DAAM1: variants seen among roughly 807,000 people sequenced by gnomAD.
DAAM1 encodes the protein disheveled-associated activator of morphogenesis 1.
Under a neutral mutation model 130.0 loss-of-function variants are expected in DAAM1, and 52 were observed. The observed-to-expected ratio is 0.40, with a 90% CI of 0.32 to 0.50. The LOEUF is 0.50. Ranked by LOEUF, DAAM1 falls within the 20% of genes least tolerant of loss-of-function variation. The pLI is 0.61. For synonymous variants in DAAM1, 452 were observed against 444.5 expected (o/e 1.02, Z -0.21); for missense variants, 1,134 against 1,303.8 (o/e 0.87, Z 2.01).
rs540791565 is a variant in DAAM1 at position 59,355,204 on chromosome 14, C to A, written c.2396C>A (p.Ala799Asp). Residue 799 changes from alanine to aspartate, a missense_variant, in exon 20 of 25, where the codon GCC (alanine) becomes GAC (aspartate). By Grantham distance (126) the Ala-to-Asp change is moderately radical. This residue lies in a region of DAAM1 where 644 missense variants were observed against 695.9 expected (regional missense o/e 0.93). Transcript: ENST00000360909. ...SGSEEVFRSGALKQLLEVVLA... is the reference protein window; with the variant it reads ...SGSEEVFRSGDLKQLLEVVLA... ...TCAGAAGAGGTGTTTAGGAGTGGTG[C>A]CCTCAAGCAGTTGCTGGAGGTGGTT... 1 of 1,613,990 alleles carries A rather than the reference C, an allele frequency of 6.2e-7. No homozygotes were observed. Among genetic ancestry groups the A allele is most frequent in the African/African-American group, 1.3e-5 (1 of 74,984 alleles).
intron 16 of DAAM1, among the ~76,000 whole-genome samples, chr14:59,342,486 T>G (rs1249396277): frequency 6.6e-6 from 1 of 152,238 alleles, no homozygotes; most frequent in African/African-American, 2.4e-5. Flanking sequence ...TACTTTTCAT[T>G]CTTCCTTTTT....
chr14:59,231,495 T>C (rs904598881), intron 1 of DAAM1, among the ~76,000 whole-genome samples: 1 of 152,180 alleles, frequency 6.6e-6, no homozygotes, highest in Non-Finnish European at 1.5e-5. Context: ...TGGCAATTAA[T>C]AAAACCACAT....
intron 1 of DAAM1, among the ~76,000 whole-genome samples, chr14:59,241,905 T>C (rs1381577624): frequency 6.6e-6 from 1 of 152,270 alleles, no homozygotes; most frequent in Admixed American, 6.5e-5. Flanking sequence ...CTCTTTTTTT[T>C]CCCCCTCTTC....
intron 16 of DAAM1, among the ~76,000 whole-genome samples, chr14:59,343,108 G>A (rs1005338045): frequency 6.6e-6 from 1 of 152,222 alleles, no homozygotes; most frequent in East Asian, 1.9e-4. Flanking sequence ...TTCCTCCTAG[G>A]ATGTGTGCAG....
chr14:59,363,725 A>G lies in DAAM1; in HGVS notation c.2769A>G (p.Thr923=). ...KFVSVVSQFI[T]VASFSFSDVE... Reference sequence around the variant, plus strand: ...TGTCTGTTGTCAGCCAGTTCATCACAGTAGCCAGCTTCAGCTTCTCTGATG... The same window carrying G: ...TGTCTGTTGTCAGCCAGTTCATCACGGTAGCCAGCTTCAGCTTCTCTGATG... Residue 923 remains threonine, a synonymous_variant, in exon 23 of 25, where the codon ACA becomes ACG. Transcript: ENST00000360909. 2 of 1,614,158 alleles carry G rather than the reference A, an allele frequency of 1.2e-6. No individual in the cohort carries two copies. The highest frequency in any genetic ancestry group is 1.7e-6 in the Non-Finnish European group (2 of 1,180,000).
intron 1 of DAAM1, among the ~76,000 whole-genome samples, chr14:59,235,280 T>C (rs1402720610): frequency 6.6e-6 from 1 of 152,204 alleles, no homozygotes; most frequent in Admixed American, 6.5e-5. Flanking sequence ...TCCTGAGCTT[T>C]TTTTGGTTGG....
intron 3 of DAAM1, among the ~76,000 whole-genome samples, chr14:59,293,475 G>C (rs1399713966): frequency 6.6e-6 from 1 of 152,128 alleles, no homozygotes; most frequent in African/African-American, 2.4e-5. Flanking sequence ...GTGGTCACTG[G>C]CCTCAGAATC....
chr14:59,226,816 T>C (rs1460756127), intron 1 of DAAM1, among the ~76,000 whole-genome samples: 1 of 152,162 alleles, frequency 6.6e-6, no homozygotes, highest in Non-Finnish European at 1.5e-5. Context: ...GGAGGGCCCT[T>C]TCATTAGAAC....
At chr14:59,305,075 C>CA (rs1159960915) in intron 3 of DAAM1, among the ~76,000 whole-genome samples, 4 of 152,152 alleles carry the variant, frequency 2.6e-5, no homozygotes, top group Non-Finnish European at 5.9e-5. Context: ...TGTGAGGCAG[C>CA]AAAGGCCATT....
At chr14:59,298,360 C>T (rs998695137) in intron 3 of DAAM1, among the ~76,000 whole-genome samples, 2 of 152,210 alleles carry the variant, frequency 1.3e-5, no homozygotes, top group Non-Finnish European at 2.9e-5. Context: ...CATTGTCTCT[C>T]ACTTTTTACT....
chr14:59,274,088 TG>T (rs1162327891), intron 2 of DAAM1, among the ~76,000 whole-genome samples: 2 of 152,198 alleles, frequency 1.3e-5, no homozygotes, highest in Non-Finnish European at 2.9e-5. Context: ...CTTTTAGTTA[TG>T]ATTTTCGGGC....
At chr14:59,310,795 C>T (rs1478898633) in intron 3 of DAAM1, among the ~76,000 whole-genome samples, 1 of 152,056 alleles carries the variant, frequency 6.6e-6, no homozygotes, top group East Asian at 1.9e-4. Flanking sequence ...CTAAGAACCT[C>T]CTCAATTCGT....
chr14:59,254,088 C>G (rs1881763505), intron 1 of DAAM1, among the ~76,000 whole-genome samples: 1 of 152,074 alleles, frequency 6.6e-6, no homozygotes, highest in Admixed American at 6.6e-5. Flanking sequence ...AGATCTGAAG[C>G]CTTAAATACC....
rs1378851354 is a variant in DAAM1 at position 59,331,194 on chromosome 14, T to C, written c.1561-15T>C. 1 of 1,610,958 alleles carries C rather than the reference T, an allele frequency of 6.2e-7. No individual in the cohort carries two copies. Among genetic ancestry groups the C allele is most frequent in the Admixed American group, 1.7e-5 (1 of 59,606 alleles). ...TCTTCCATTGATCTTTCTTTTCCTA[T>C]TTTTATCTTTTCAGAGGGCCGTCTG... On this transcript the variant is annotated splice_polypyrimidine_tract_variant and intron_variant, in intron 13 of 24. Coordinates refer to ENST00000360909, the MANE Select transcript of DAAM1 (RefSeq NM_001270520.2).
intron 24 of DAAM1, 65 bp downstream of exon 24, chr14:59,367,664 G>A (rs1886973898): frequency 1.3e-6 from 2 of 1,537,136 alleles, no homozygotes; most frequent in South Asian, 1.3e-5. Flanking sequence ...CCCAGTCAAA[G>A]GTATTTAGAG....
intron 17 of DAAM1, among the ~76,000 whole-genome samples, chr14:59,349,540 C>T (rs1022360537): frequency 2.0e-5 from 3 of 152,284 alleles, no homozygotes; most frequent in South Asian, 4.1e-4. Context: ...TCTTTACTTC[C>T]GTTTCCTCTA....
At chr14:59,289,456 T>C (rs1188808842) in intron 2 of DAAM1, among the ~76,000 whole-genome samples, 1 of 152,102 alleles carries the variant, frequency 6.6e-6, no homozygotes, top group African/African-American at 2.4e-5. Context: ...AGAATGGCTA[T>C]TATTTAAAAG....
intron 2 of DAAM1, among the ~76,000 whole-genome samples, chr14:59,274,080 T>C (rs1882844424): frequency 6.6e-6 from 1 of 152,204 alleles, no homozygotes; most frequent in Non-Finnish European, 1.5e-5. Context: ...AGCTATATCT[T>C]TTAGTTATGA....
At chr14:59,246,306 C>T (rs917744893) in intron 1 of DAAM1, among the ~76,000 whole-genome samples, 4 of 152,248 alleles carry the variant, frequency 2.6e-5, no homozygotes, top group Middle Eastern at 3.4e-3. Context: ...TGGAATCATA[C>T]GGTATTTGTC....
Sources: gnomAD v4.1 joint callset for allele counts (sites outside exome capture counted in the v4.1 genomes callset) on GRCh38, gnomAD v4.1.1 for gene constraint, gnomAD v4.1.1 regional missense constraint, MANE v1.5 for transcripts, NCBI Gene and HGNC (gene_info 2026-07-23, HGNC 2026-07-21) for gene names.